Variants in OPCML observed in about 807,000 individuals in gnomAD.
OPCML encodes opioid-binding protein/cell adhesion molecule.
A neutral mutation model predicts 37.8 loss-of-function variants in OPCML; 13 were observed. The observed-to-expected ratio is 0.34, with a 90% CI of 0.22 to 0.55. OPCML has a LOEUF of 0.55. OPCML is among the 20% of genes least tolerant of loss of function. The pLI, the probability that OPCML is intolerant of heterozygous loss-of-function variation, is 0.91. For missense variants in OPCML, 341 were observed against 435.6 expected, an observed-to-expected ratio of 0.78 and a Z score of 1.93; for synonymous variants, 176 against 168.8, an observed-to-expected ratio of 1.04 and a Z score of -0.33.
chr11:133,529,961 C>T (rs1436458630), intron 1 of OPCML, among the ~76,000 whole-genome samples: 3 of 152,160 alleles, frequency 2.0e-5, no homozygotes, highest in African/African-American at 7.2e-5. Context: ...TTTCTCCTCC[C>T]CGTTCTTGTT....
At chr11:132,617,585 T>C (rs566287556) in intron 3 of OPCML, among the ~76,000 whole-genome samples, 1 of 152,340 alleles carries the variant, frequency 6.6e-6, no homozygotes, top group Non-Finnish European at 1.5e-5. Flanking sequence ...CTCAGTCTTC[T>C]CAGGCTGCCA....
At chr11:133,017,564 T>A (rs958268790) in intron 1 of OPCML, among the ~76,000 whole-genome samples, 3 of 152,012 alleles carry the variant, frequency 2.0e-5, no homozygotes, top group African/African-American at 7.2e-5. Context: ...TAATTTTGTA[T>A]TTTTAGTAGA....
chr11:132,645,513 T>A (rs992892374), intron 3 of OPCML, among the ~76,000 whole-genome samples: 1 of 152,228 alleles, frequency 6.6e-6, no homozygotes, highest in Non-Finnish European at 1.5e-5. Context: ...CAGATTGCTA[T>A]CCCTAAGCTG....
At chr11:132,585,020 A>G (rs1409849755) in intron 3 of OPCML, among the ~76,000 whole-genome samples, 1 of 152,204 alleles carries the variant, frequency 6.6e-6, no homozygotes, top group Non-Finnish European at 1.5e-5. Flanking sequence ...AGAGTAGGTT[A>G]CAGTCTGTCT....
chr11:132,724,329 A>G (rs1944790414), intron 2 of OPCML, among the ~76,000 whole-genome samples: 1 of 152,210 alleles, frequency 6.6e-6, no homozygotes, highest in Non-Finnish European at 1.5e-5. Context: ...TGAGACAAAC[A>G]TTAAGTTCTT....
intron 2 of OPCML, among the ~76,000 whole-genome samples, chr11:132,719,376 A>G (rs543878355): frequency 6.6e-6 from 1 of 152,202 alleles, no homozygotes; most frequent in African/African-American, 2.4e-5. Context: ...TTCAGGATTC[A>G]TTGAGAGACT....
chr11:133,058,100 T>C (rs1333304207), intron 1 of OPCML, among the ~76,000 whole-genome samples: 1 of 152,200 alleles, frequency 6.6e-6, no homozygotes, highest in Admixed American at 6.5e-5. Flanking sequence ...TGTAAAGCTC[T>C]TGGAGAATTT....
chr11:133,052,395 A>G (rs1948148033), intron 1 of OPCML, among the ~76,000 whole-genome samples: 1 of 152,224 alleles, frequency 6.6e-6, no homozygotes, highest in East Asian at 1.9e-4. Context: ...GCTAGAAACT[A>G]TACTTGATGA....
At chr11:133,126,037 A>T (rs1245824214) in intron 1 of OPCML, among the ~76,000 whole-genome samples, 3 of 146,892 alleles carry the variant, frequency 2.0e-5, no homozygotes, top group Non-Finnish European at 4.5e-5. Context: ...CACTATATAT[A>T]TACTACATAT....
intron 2 of OPCML, among the ~76,000 whole-genome samples, chr11:132,765,764 T>C (rs567799053): frequency 1.3e-5 from 2 of 152,322 alleles, no homozygotes; most frequent in African/African-American, 2.4e-5. Context: ...ATTTCTGCTT[T>C]CTAGAGACAG....
chr11:133,395,784 T>C (rs1945271858), intron 1 of OPCML, among the ~76,000 whole-genome samples: 1 of 152,238 alleles, frequency 6.6e-6, no homozygotes, highest in African/African-American at 2.4e-5. Context: ...TCAGTGACTA[T>C]AGCTCTGTAG....
At chr11:133,019,852 T>C (rs1168060218) in intron 1 of OPCML, among the ~76,000 whole-genome samples, 1 of 152,182 alleles carries the variant, frequency 6.6e-6, no homozygotes, top group Non-Finnish European at 1.5e-5. Flanking sequence ...TTCTCCGGAA[T>C]TGCCCTCCTA....
intron 2 of OPCML, among the ~76,000 whole-genome samples, chr11:132,904,680 A>G (rs1457990651): frequency 6.6e-6 from 1 of 152,212 alleles, no homozygotes; most frequent in Non-Finnish European, 1.5e-5. Flanking sequence ...AAAGCAAGAA[A>G]TATCGCAGAA....
chr11:132,805,619 C>T (rs1325113753), intron 2 of OPCML, among the ~76,000 whole-genome samples: 1 of 152,196 alleles, frequency 6.6e-6, no homozygotes, highest in East Asian at 1.9e-4. Flanking sequence ...GGAACAACCT[C>T]TCCAGATTGC....
At chr11:132,557,356 C>T (rs1450722003) in intron 3 of OPCML, among the ~76,000 whole-genome samples, 1 of 152,168 alleles carries the variant, frequency 6.6e-6, no homozygotes, top group Non-Finnish European at 1.5e-5. Context: ...TTTCTGTTCG[C>T]TCAGTTGAGA....
chr11:133,011,092 T>C (rs1031085032), intron 1 of OPCML, among the ~76,000 whole-genome samples: 6 of 152,210 alleles, frequency 3.9e-5, no homozygotes, highest in African/African-American at 1.2e-4. Context: ...CTTAAAACCA[T>C]GTTATTTAAG....
intron 4 of OPCML, among the ~76,000 whole-genome samples, chr11:132,465,786 T>C (rs1427155244): frequency 6.6e-6 from 1 of 152,246 alleles, no homozygotes; most frequent in Non-Finnish European, 1.5e-5. Context: ...ATATCTTATA[T>C]ACTTTTTAAT....
At chr11:132,520,056 G>A (rs644487) in intron 4 of OPCML, among the ~76,000 whole-genome samples, 59,481 of 152,016 alleles carry the variant, frequency 0.39, 14,154 homozygotes, top group Non-Finnish European at 0.54. Flanking sequence ...TGGAGGCTGT[G>A]CTTTTGTTAG....
rs2136629004 is a variant in OPCML, at chr11:132,416,725, A to G, written c.*3468T>C. The G allele has an allele frequency of 6.6e-6, 1 of 152,414 alleles. No individual in the cohort carries two copies. The highest frequency in any genetic ancestry group is 1.9e-4 in the East Asian group (1 of 5,184). 9.4% of individuals were successfully genotyped at this position (152,414 alleles called of 1,614,324 possible). On this transcript the variant is annotated 3_prime_UTR_variant, in exon 8 of 8. Coordinates refer to ENST00000524381, the MANE Select transcript of OPCML (RefSeq NM_001012393.5). ...TACCTTTTCTTCTGTTTCGTGGAGC[A>G]CAGTTGCAGCAGAACAGCCATGCGC...
Sources: gnomAD v4.1 joint callset for allele counts (sites outside exome capture counted in the v4.1 genomes callset) on GRCh38, gnomAD v4.1.1 for gene constraint, MANE v1.5 for transcripts, NCBI Gene and HGNC (gene_info 2026-07-23, HGNC 2026-07-21) for gene names.